SEMA6D: variants seen among roughly 807,000 people sequenced by gnomAD.
SEMA6D encodes semaphorin 6D, also known as semaphorin-6D.
In SEMA6D, 35 loss-of-function variants were observed where a neutral mutation model predicts 106.6. The observed-to-expected ratio is 0.33, with a 90% confidence interval of 0.25 to 0.44. The LOEUF (loss-of-function observed/expected upper bound fraction) is 0.44, where lower values mean the gene tolerates loss of function less well. Among genes scored for constraint, SEMA6D ranks in the 20% least tolerant of loss-of-function variants. SEMA6D has a pLI of 1.00. For missense variants in SEMA6D, 1,185 were observed against 1,345.9 expected (o/e 0.88, Z 1.87); for synonymous variants, 499 against 487.7 (o/e 1.02, Z -0.31).
intron 1 of SEMA6D, among the ~76,000 whole-genome samples, chr15:47,286,917 C>A (rs1389783029): frequency 6.6e-6 from 1 of 152,120 alleles, no homozygotes; most frequent in Admixed American, 6.5e-5. Context: ...CCACCTGTTT[C>A]AAAAATGGAG....
intron 3 of SEMA6D, among the ~76,000 whole-genome samples, chr15:47,502,991 A>G (rs992418363): frequency 4.6e-5 from 7 of 152,226 alleles, no homozygotes; most frequent in African/African-American, 1.7e-4. Context: ...ACTTGATATG[A>G]AATATCAGTA....
chr15:47,631,220 G>A (rs1268122834), intron 4 of SEMA6D, among the ~76,000 whole-genome samples: 4 of 151,848 alleles, frequency 2.6e-5, no homozygotes, highest in East Asian at 3.9e-4. Flanking sequence ...TAACTCTGGG[G>A]CCTGAAAATT....
chr15:47,496,260 C>G (rs2043654509), intron 3 of SEMA6D, among the ~76,000 whole-genome samples: 1 of 152,064 alleles, frequency 6.6e-6, no homozygotes, highest in Non-Finnish European at 1.5e-5. Flanking sequence ...ATTTTGTTGT[C>G]TCTGAAAGTG....
At chr15:47,303,966 C>T (rs1010434737) in intron 1 of SEMA6D, among the ~76,000 whole-genome samples, 26 of 152,112 alleles carry the variant, frequency 1.7e-4, no homozygotes, top group Non-Finnish European at 3.4e-4. Context: ...ACTGTCTAGT[C>T]AGAACACACG....
intron 3 of SEMA6D, among the ~76,000 whole-genome samples, chr15:47,510,824 C>G (rs1596197219): frequency 6.6e-6 from 1 of 152,094 alleles, no homozygotes; most frequent in South Asian, 2.1e-4. Flanking sequence ...TGAACGGGAG[C>G]AGGGAGACTC....
At chr15:47,283,162 A>T (rs192372293) in intron 1 of SEMA6D, among the ~76,000 whole-genome samples, 10 of 151,752 alleles carry the variant, frequency 6.6e-5, no homozygotes, top group African/African-American at 2.4e-4. Flanking sequence ...CCCCACCCTC[A>T]TTTTCCTCTT....
chr15:47,563,256 A>G (rs554651115), intron 3 of SEMA6D, among the ~76,000 whole-genome samples: 1 of 152,320 alleles, frequency 6.6e-6, no homozygotes, highest in South Asian at 2.1e-4. Flanking sequence ...TCTGGATTGT[A>G]ATGACTGTTG....
intron 1 of SEMA6D, among the ~76,000 whole-genome samples, chr15:47,289,006 G>A (rs888708748): frequency 2.6e-5 from 4 of 152,122 alleles, no homozygotes; most frequent in Admixed American, 1.3e-4. Context: ...GCGGGAGGGT[G>A]GAGAGAGATT....
At chr15:47,209,979 A>G (rs932395460) in intron 1 of SEMA6D, among the ~76,000 whole-genome samples, 4 of 152,204 alleles carry the variant, frequency 2.6e-5, no homozygotes, top group African/African-American at 4.8e-5. Flanking sequence ...AAACTACTAC[A>G]TTCTCTTCTT....
intron 1 of SEMA6D, among the ~76,000 whole-genome samples, chr15:47,335,579 A>ATGGTAAATTCT (rs1679034194): frequency 6.6e-6 from 1 of 152,086 alleles, no homozygotes; most frequent in Non-Finnish European, 1.5e-5. Flanking sequence ...TACCCAGATT[A>ATGGTAAATTCT]TGGTAAATTC....
At chr15:47,354,371 TTA>T (rs544186437) in intron 1 of SEMA6D, among the ~76,000 whole-genome samples, 106 of 139,822 alleles carry the variant, frequency 7.6e-4, no homozygotes, top group South Asian at 2.5e-3. Context: ...ATGTGAAAGC[TTA>T]TATATATATA....
intron 8 of SEMA6D, 53 bp downstream of exon 8, chr15:47,762,372 TG>T (rs2082107374): frequency 1.9e-6 from 3 of 1,599,376 alleles, no homozygotes; most frequent in African/African-American, 2.7e-5. Flanking sequence ...ATGGCCCAAG[TG>T]GGGACAGCAG....
At chr15:47,702,146 T>C (rs1482753110) in intron 4 of SEMA6D, among the ~76,000 whole-genome samples, 1 of 152,178 alleles carries the variant, frequency 6.6e-6, no homozygotes, top group Non-Finnish European at 1.5e-5. Flanking sequence ...ACTTGGCTGA[T>C]GGATGCCTGT....
intron 3 of SEMA6D, among the ~76,000 whole-genome samples, chr15:47,597,302 CTG>C (rs1422770685): frequency 6.6e-6 from 1 of 152,046 alleles, no homozygotes; most frequent in Non-Finnish European, 1.5e-5. Context: ...TTATTGAAAA[CTG>C]TGGACATTCC....
At chr15:47,437,478 A>C (rs1442614009) in intron 2 of SEMA6D, among the ~76,000 whole-genome samples, 1 of 152,146 alleles carries the variant, frequency 6.6e-6, no homozygotes, top group Non-Finnish European at 1.5e-5. Context: ...TAAATTGTGT[A>C]AATTTTCCTC....
chr15:47,204,274 T>G (rs1279011088), intron 1 of SEMA6D, among the ~76,000 whole-genome samples: 1 of 152,152 alleles, frequency 6.6e-6, no homozygotes, highest in Non-Finnish European at 1.5e-5. Context: ...AGAGACTTGG[T>G]ACTTTTCCAC....
intron 2 of SEMA6D, 150 bp from the exon 3 acceptor site, chr15:47,760,154 C>T (rs1374068897): frequency 1.5e-6 from 1 of 649,032 alleles, no homozygotes; most frequent in African/African-American, 1.8e-5. Flanking sequence ...TGCTGACATT[C>T]ACTGCCTTTT....
chr15:47,611,682 G>A (rs2076909286), intron 4 of SEMA6D, among the ~76,000 whole-genome samples: 1 of 152,172 alleles, frequency 6.6e-6, no homozygotes, highest in Non-Finnish European at 1.5e-5. Context: ...TTTACAGATA[G>A]TTAAGACGTA....
Position 47,631,203 on chromosome 15 carries a change from A to G in SEMA6D, c.-55+30307A>G, listed in dbSNP as rs543038910. On this transcript the variant is annotated intron_variant, in intron 4 of 19. Coordinates refer to the SEMA6D transcript ENST00000558014. ...TTCTGTAAATCTTTGGTATAATTCT[A>G]CAGTGATAACTCTGGGGCCTGAAAA... Among the ~76,000 whole-genome samples, 19 of 151,972 alleles carry G rather than the reference A, an allele frequency of 1.3e-4. 1 individual carries two copies. Among genetic ancestry groups the G allele is most frequent in the African/African-American group, 4.6e-4 (19 of 41,532 alleles).
Sources: gnomAD v4.1 joint callset for allele counts (sites outside exome capture counted in the v4.1 genomes callset) on GRCh38, gnomAD v4.1.1 for gene constraint, MANE v1.5 for transcripts, NCBI Gene and HGNC (gene_info 2026-07-23, HGNC 2026-07-21) for gene names.